LRRC4C: variants seen among roughly 807,000 people sequenced by gnomAD.
LRRC4C encodes leucine-rich repeat-containing protein 4C.
A neutral mutation model predicts 33.6 loss-of-function variants in LRRC4C; 5 were observed. The observed-to-expected ratio is 0.15, with a 90% confidence interval of 0.08 to 0.31. The LOEUF (loss-of-function observed/expected upper bound fraction) is 0.31, where lower values mean the gene tolerates loss of function less well. LRRC4C is among the 10% of genes least tolerant of loss of function. The probability of loss-of-function intolerance (pLI) is 1.00; values close to 1 mark genes in which losing one functional copy is unlikely to be tolerated. For missense variants in LRRC4C, 560 were observed against 796.7 expected, an observed-to-expected ratio of 0.70 and a Z score of 3.58; for synonymous variants, 329 against 302.0, an observed-to-expected ratio of 1.09 and a Z score of -0.93.
At chr11:41,099,373 A>C (rs1034749015) in intron 1 of LRRC4C, among the ~76,000 whole-genome samples, 1 of 151,072 alleles carries the variant, frequency 6.6e-6, no homozygotes, top group South Asian at 2.1e-4. Context: ...AACCTGGCAG[A>C]GACATAAAAA....
intron 1 of LRRC4C, among the ~76,000 whole-genome samples, chr11:41,017,768 TATATATA>T (rs1478301705): frequency 5.3e-5 from 8 of 149,642 alleles, no homozygotes; most frequent in African/African-American, 2.0e-4. Flanking sequence ...TTAATCAGAA[TATATATA>T]ATATATATTA....
chr11:40,706,784 C>G (rs61886846), intron 2 of LRRC4C, among the ~76,000 whole-genome samples: 2 of 152,134 alleles, frequency 1.3e-5, no homozygotes, highest in East Asian at 1.9e-4. Context: ...CATTGAATCT[C>G]TAAATTACCT....
At chr11:41,204,808 T>C (rs1946533946) in intron 1 of LRRC4C, among the ~76,000 whole-genome samples, 1 of 152,164 alleles carries the variant, frequency 6.6e-6, no homozygotes, top group African/African-American at 2.4e-5. Context: ...ATTTGGACAA[T>C]ATTGTACCTT....
chr11:40,653,406 G>A (rs969255457), intron 2 of LRRC4C, among the ~76,000 whole-genome samples: 2 of 152,170 alleles, frequency 1.3e-5, no homozygotes, highest in African/African-American at 4.8e-5. Flanking sequence ...GGGAACTGTG[G>A]TAAAGGTCAC....
chr11:40,911,329 G>A (rs1024593186), intron 2 of LRRC4C, among the ~76,000 whole-genome samples: 14 of 152,126 alleles, frequency 9.2e-5, no homozygotes, highest in African/African-American at 3.4e-4. Context: ...ACACAGCCGA[G>A]TACTCCTCTG....
At chr11:40,534,566 T>C (rs1424950999) in intron 3 of LRRC4C, among the ~76,000 whole-genome samples, 1 of 152,090 alleles carries the variant, frequency 6.6e-6, no homozygotes, top group African/African-American at 2.4e-5. Context: ...AAAATGTAAA[T>C]AACACATAGA....
intron 1 of LRRC4C, among the ~76,000 whole-genome samples, chr11:41,291,185 T>G (rs888936355): frequency 6.6e-6 from 1 of 152,144 alleles, no homozygotes; most frequent in Non-Finnish European, 1.5e-5. Context: ...ATTCAAACTT[T>G]GCAATGAAAT....
chr11:40,143,671 G>T (rs1336954123), intron 5 of LRRC4C, among the ~76,000 whole-genome samples: 1 of 152,078 alleles, frequency 6.6e-6, no homozygotes, highest in African/African-American at 2.4e-5. Flanking sequence ...GCTCAGAGAG[G>T]TCTTCCCTGG....
At chr11:40,642,250 T>C (rs1277443350) in intron 3 of LRRC4C, among the ~76,000 whole-genome samples, 1 of 152,190 alleles carries the variant, frequency 6.6e-6, no homozygotes, top group African/African-American at 2.4e-5. Flanking sequence ...GCTGCTACAG[T>C]AATCACTTGA....
intron 3 of LRRC4C, among the ~76,000 whole-genome samples, chr11:40,330,665 G>A (rs1466803897): frequency 1.3e-5 from 2 of 152,012 alleles, no homozygotes; most frequent in African/African-American, 4.8e-5. Flanking sequence ...GAGCAAAGGG[G>A]GAAAAGCCCC....
chr11:40,797,496 T>A (rs1320237888), intron 2 of LRRC4C, among the ~76,000 whole-genome samples: 3 of 152,152 alleles, frequency 2.0e-5, no homozygotes, highest in Non-Finnish European at 4.4e-5. Flanking sequence ...TTAAAGACTA[T>A]CTGCAGTTAG....
chr11:40,479,384 G>A (rs191537423), intron 3 of LRRC4C, among the ~76,000 whole-genome samples: 1 of 152,248 alleles, frequency 6.6e-6, no homozygotes, highest in Non-Finnish European at 1.5e-5. Context: ...ACCCAGACAA[G>A]GTTCCTGTCC....
At chr11:41,218,852 C>G (rs1373542673) in intron 1 of LRRC4C, among the ~76,000 whole-genome samples, 1 of 147,404 alleles carries the variant, frequency 6.8e-6, no homozygotes, top group East Asian at 2.0e-4. Context: ...ACAGCAAGCT[C>G]CGCCTCCTGA....
At chr11:41,210,211 GATA>G (rs1484443945) in intron 1 of LRRC4C, among the ~76,000 whole-genome samples, 6 of 152,170 alleles carry the variant, frequency 3.9e-5, no homozygotes, top group African/African-American at 1.4e-4. Context: ...CATTATAACT[GATA>G]TGGTTTGAGT....
At chr11:41,194,198 A>G (rs1004664962) in intron 1 of LRRC4C, among the ~76,000 whole-genome samples, 1 of 152,176 alleles carries the variant, frequency 6.6e-6, no homozygotes, top group Admixed American at 6.6e-5. Context: ...GTACTATAAC[A>G]TACAAAATAT....
At chr11:40,542,796 C>T (rs1243203778) in intron 3 of LRRC4C, among the ~76,000 whole-genome samples, 1 of 152,146 alleles carries the variant, frequency 6.6e-6, no homozygotes, top group Non-Finnish European at 1.5e-5. Flanking sequence ...CTGGCTTTCT[C>T]TCTCTCCCAT....
chr11:40,134,023 A>G (rs542551357), intron 6 of LRRC4C, among the ~76,000 whole-genome samples: 5 of 152,318 alleles, frequency 3.3e-5, no homozygotes, highest in African/African-American at 1.2e-4. Flanking sequence ...GAGAAATTCT[A>G]TTCTCTATTC....
intron 3 of LRRC4C, among the ~76,000 whole-genome samples, chr11:40,413,513 A>T (rs984194920): frequency 6.6e-6 from 1 of 152,134 alleles, no homozygotes; most frequent in African/African-American, 2.4e-5. Flanking sequence ...TTCACTATCC[A>T]AACCCTCTTT....
intron 2 of LRRC4C, among the ~76,000 whole-genome samples, chr11:40,905,962 G>A (rs74640997): frequency 0.052 from 7,883 of 152,208 alleles, 367 homozygotes; most frequent in East Asian, 0.23. Context: ...GCATTCTACA[G>A]AGAAATTTTT....
Sources: allele counts gnomAD v4.1 joint callset (sites outside exome capture counted in the v4.1 genomes callset), GRCh38; gene constraint gnomAD v4.1.1; transcripts MANE v1.5; gene names NCBI Gene and HGNC (gene_info 2026-07-23, HGNC 2026-07-21).